The following ANGPT2 variants were observed in gnomAD, a reference collection of about 807,000 sequenced individuals.
ANGPT2 encodes the protein angiopoietin-2.
Under a neutral mutation model 62.9 loss-of-function variants are expected in ANGPT2, and 28 were observed. The observed-to-expected ratio is 0.44, with a 90% CI of 0.33 to 0.61. The LOEUF is 0.61. Among genes scored for constraint, ANGPT2 ranks in the 20% least tolerant of loss-of-function variants. The pLI is 0.03. For missense variants in ANGPT2, 727 were observed against 594.9 expected, an observed-to-expected ratio of 1.22 and a Z score of -2.31; for synonymous variants, 284 against 207.8, an observed-to-expected ratio of 1.37 and a Z score of -3.15.
intron 1 of ANGPT2, among the ~76,000 whole-genome samples, chr8:6,547,104 C>T (rs907746790): frequency 6.6e-6 from 1 of 151,458 alleles, no homozygotes; most frequent in African/African-American, 2.4e-5. Context: ...TAGATAGGTG[C>T]CAGTTTTACA....
chr8:6,536,302 G>A (rs1189251928), intron 1 of ANGPT2, among the ~76,000 whole-genome samples: 1 of 152,090 alleles, frequency 6.6e-6, no homozygotes, highest in Admixed American at 6.5e-5. Context: ...GGGATCCCAG[G>A]CGCCTCACAT....
At chr8:6,542,467 A>T (rs1381322637) in intron 1 of ANGPT2, among the ~76,000 whole-genome samples, 2 of 152,042 alleles carry the variant, frequency 1.3e-5, no homozygotes, top group Admixed American at 6.6e-5. Context: ...ATATTGTCGG[A>T]GTGTCACTGT....
At position 6,503,260 on chromosome 8, in the gene ANGPT2, G is replaced by C; in HGVS notation, c.1329C>G (p.Gly443=). ...ICKCSQMLTG[G]WWFDACGPSN... The stretch of plus-strand genomic sequence containing the variant: ...AAGGACCACATGCATCAAACCACCA[G>C]CCTGTGAAAGTAAAACACAGAAGGA... Residue 443 remains glycine, a splice_region_variant and synonymous_variant, in exon 9 of 9, where the codon GGC becomes GGG. Transcript: ENST00000629816. 2 of 1,614,102 alleles carry C rather than the reference G, an allele frequency of 1.2e-6. No homozygotes were observed. Among genetic ancestry groups the C allele is most frequent in the Non-Finnish European group, 1.7e-6 (2 of 1,180,022 alleles).
At chr8:6,507,592 T>TTTTTC (rs1814027553) in intron 8 of ANGPT2, 1 of 136,796 alleles carries the variant, frequency 7.3e-6, no homozygotes, top group Non-Finnish European at 1.5e-5. Flanking sequence ...TTTTTTTTTT[T>TTTTTC]TTTGAGTGAA....
chr8:6,521,181 T>A lies in ANGPT2; in HGVS notation c.796A>T (p.Asn266Tyr). The part of the protein sequence containing the change: ...NNLLTMMSTS[N>Y]SKDPTVAKEE... ...AAAGCATGATATGTAAACTTACAGT[T>A]TGATGTGGACATCATAGTCAGTAAG... The change falls in exon 4 of 9, where the codon AAC (asparagine) becomes TAC (tyrosine). Residue 266 changes from asparagine (N) to tyrosine (Y), a missense_variant. Coordinates refer to ENST00000629816, the MANE Select transcript of ANGPT2 (RefSeq NM_001118887.2). The A allele has an allele frequency of 6.2e-7, 1 of 1,610,856 alleles. No individual in the cohort carries two copies. The highest frequency in any genetic ancestry group is 1.3e-5 in the African/African-American group (1 of 74,970).
chr8:6,525,847 A>G (rs1818228930), intron 3 of ANGPT2, among the ~76,000 whole-genome samples: 2 of 152,222 alleles, frequency 1.3e-5, no homozygotes, highest in South Asian at 2.1e-4. Context: ...TCCTACAGGC[A>G]TAGTTGAAAG....
intron 8 of ANGPT2, chr8:6,508,685 CTTG>C: frequency 1.7e-6 from 1 of 602,180 alleles, no homozygotes; most frequent in African/African-American, 1.9e-5. Context: ...ATCCCCTCTC[CTTG>C]CCAGGGCTAG....
At chr8:6,522,755 C>CA in intron 3 of ANGPT2, among the ~76,000 whole-genome samples, 1 of 149,878 alleles carries the variant, frequency 6.7e-6, no homozygotes, top group South Asian at 2.1e-4. Flanking sequence ...GCCTGGGCAA[C>CA]AGAGCGAGAC....
rs1021857181 is a variant in ANGPT2, at chr8:6,501,097, A to T, written c.*2004T>A. 6.6e-6 allele frequency: 1 copy of T among 152,216 alleles called. No homozygotes were observed. Among genetic ancestry groups the T allele is most frequent in the Non-Finnish European group, 1.5e-5 (1 of 68,040 alleles). 9.4% of individuals were successfully genotyped at this position (152,216 alleles called of 1,614,324 possible). On this transcript the variant is annotated 3_prime_UTR_variant, in exon 9 of 9. Transcript: ENST00000629816. ...TAAAACCTTCTTAAATATAAAGTAGATACAGTTCTAAGATAGGGAGGTTCT... is the reference window on the plus strand; with the variant it reads ...TAAAACCTTCTTAAATATAAAGTAGTTACAGTTCTAAGATAGGGAGGTTCT...
At chr8:6,523,876 C>T (rs916086030) in intron 3 of ANGPT2, among the ~76,000 whole-genome samples, 3 of 147,098 alleles carry the variant, frequency 2.0e-5, no homozygotes, top group Non-Finnish European at 4.4e-5. Flanking sequence ...CATGAGCCAC[C>T]GTGCCTGGCT....
At position 6,527,591 on chromosome 8, in the gene ANGPT2, T is replaced by A; in HGVS notation, c.530A>T (p.Gln177Leu). The change falls in exon 3 of 9, where the codon CAG (glutamine) becomes CTG (leucine). Residue 177 changes from glutamine to leucine, a missense_variant. Transcript: ENST00000629816. ...TNKLEKQILDQTSEINKLQDK... is the reference protein window; with the variant it reads ...TNKLEKQILDLTSEINKLQDK... ...TTGCAATTTGTTTATTTCACTGGTC[T>A]GGTCCAAAATCTGTTTTTCCAATTT... is the stretch of plus-strand genomic sequence containing the variant. 6.2e-7 allele frequency: 1 copy of A among 1,614,074 alleles called. No homozygotes were observed. The highest frequency in any genetic ancestry group is 8.5e-7 in the Non-Finnish European group (1 of 1,179,980).
At chr8:6,552,277 T>A (rs1028833178) in intron 1 of ANGPT2, among the ~76,000 whole-genome samples, 1 of 152,152 alleles carries the variant, frequency 6.6e-6, no homozygotes, top group Admixed American at 6.5e-5. Flanking sequence ...CCTGAAGGGA[T>A]GAAATTACAT....
At chr8:6,551,398 A>T (rs1200812590) in intron 1 of ANGPT2, among the ~76,000 whole-genome samples, 1 of 152,254 alleles carries the variant, frequency 6.6e-6, no homozygotes, top group South Asian at 2.1e-4. Flanking sequence ...TAAACAAATT[A>T]TATGTATTAA....
At chr8:6,561,301 T>A (rs1825500608) in intron 1 of ANGPT2, among the ~76,000 whole-genome samples, 1 of 152,190 alleles carries the variant, frequency 6.6e-6, no homozygotes, top group South Asian at 2.1e-4. Context: ...ATTTGATAGG[T>A]CATTTTGGTA....
chr8:6,544,644 G>T (rs780681621), intron 1 of ANGPT2, among the ~76,000 whole-genome samples: 10 of 152,018 alleles, frequency 6.6e-5, no homozygotes, highest in Non-Finnish European at 1.0e-4. Context: ...GAAATGAAGC[G>T]CAAGCACATA....
chr8:6,516,910 A>G (rs1816374929), intron 5 of ANGPT2, among the ~76,000 whole-genome samples: 1 of 152,232 alleles, frequency 6.6e-6, no homozygotes, highest in African/African-American at 2.4e-5. Context: ...CACTGCCAGC[A>G]CATAAATGAT....
intron 6 of ANGPT2, among the ~76,000 whole-genome samples, chr8:6,514,464 C>T (rs991326174): frequency 3.3e-5 from 5 of 152,224 alleles, no homozygotes; most frequent in Admixed American, 2.0e-4. Context: ...GCTGGGATTA[C>T]AGGCGTGAGC....
Position 6,563,145 on chromosome 8 carries a change from T to C in ANGPT2, c.-211A>G, listed in dbSNP as rs1825813642. On this transcript the variant is annotated 5_prime_UTR_variant, in exon 1 of 9. Coordinates refer to ENST00000629816, the MANE Select transcript of ANGPT2 (RefSeq NM_001118887.2). ...CATGCAGTAAACTGTCAGATTGCAG[T>C]GGGAAGAACAGTCCTGCTCACTTGG... 1.4e-5 allele frequency: 7 copies of C among 490,424 alleles called. No homozygotes were observed. In the South Asian group the frequency reaches 1.4e-4, roughly 10 times the overall value. 30.4% of individuals were successfully genotyped at this position (490,424 alleles called of 1,614,324 possible).
chr8:6,548,934 C>G (rs570019676), intron 1 of ANGPT2, among the ~76,000 whole-genome samples: 17 of 152,306 alleles, frequency 1.1e-4, no homozygotes, highest in African/African-American at 4.1e-4. Context: ...TTGTTAACCT[C>G]TGGTTATAAC....
Sources: allele counts gnomAD v4.1 joint callset (sites outside exome capture counted in the v4.1 genomes callset), GRCh38; gene constraint gnomAD v4.1.1; transcripts MANE v1.5; gene names NCBI Gene and HGNC (gene_info 2026-07-23, HGNC 2026-07-21).